Variants in EBF4 observed in about 807,000 individuals in gnomAD.
EBF4 encodes the protein EBF transcription factor 4, also known as transcription factor COE4.
A neutral mutation model predicts 67.1 loss-of-function variants in EBF4; 34 were observed. That is an observed-to-expected ratio of 0.51 (90% CI 0.39 to 0.67). The LOEUF is 0.67. EBF4 is among the 30% of genes least tolerant of loss of function. EBF4 has a pLI of 0.00. For synonymous variants in EBF4, 387 were observed against 377.7 expected (o/e 1.02, Z -0.29); for missense variants, 837 against 873.3 (o/e 0.96, Z 0.52).
At chr20:2,730,197 C>T (rs1202544144) in intron 6 of EBF4, among the ~76,000 whole-genome samples, 3 of 152,312 alleles carry the variant, frequency 2.0e-5, no homozygotes, top group East Asian at 3.9e-4. Context: ...TTAATTATCT[C>T]CCCATTCTGG....
At chr20:2,693,570 G>A, upstream of EBF4, 1 of 1,293,126 alleles carries the variant, frequency 7.7e-7, no homozygotes, top group Non-Finnish European at 9.8e-7. The surrounding 1 kb of genome is among the most constrained non-coding windows in gnomAD (Gnocchi z 4.6). Context: ...CCGTCGGGTC[G>A]GGCTGAGCTA....
At chr20:2,729,143 A>G (rs1269873478) in intron 6 of EBF4, among the ~76,000 whole-genome samples, 1 of 152,128 alleles carries the variant, frequency 6.6e-6, no homozygotes, top group African/African-American at 2.4e-5. Context: ...GTACATATGA[A>G]AACAATATGC....
chr20:2,757,658 A>G (rs368797049), intron 15 of EBF4, among the ~76,000 whole-genome samples: 1 of 152,230 alleles, frequency 6.6e-6, no homozygotes, highest in Non-Finnish European at 1.5e-5. Flanking sequence ...CATTAAGAAC[A>G]TAACATGGCC....
At chr20:2,754,979 C>CCCCCCA (rs1555789843) in intron 14 of EBF4, 1 of 123,930 alleles carries the variant, frequency 8.1e-6, no homozygotes, top group African/African-American at 2.9e-5. Flanking sequence ...CACCCCCCCC[C>CCCCCCA]ACAGGGCCCA....
At chr20:2,735,159 G>A (rs2087861359) in intron 6 of EBF4, among the ~76,000 whole-genome samples, 3 of 152,176 alleles carry the variant, frequency 2.0e-5, no homozygotes, top group Admixed American at 2.0e-4. Context: ...TTCCCACTAA[G>A]TAAGTTCTGA....
chr20:2,693,730 C>A lies in EBF4; in HGVS notation c.85C>A (p.Arg29Ser). The A allele has an allele frequency of 5.1e-6, 7 of 1,383,998 alleles. No individual in the cohort carries two copies. The highest frequency in any genetic ancestry group is 6.5e-6 in the Non-Finnish European group (7 of 1,075,558). The allele number at this position is 1,383,998 out of a possible 1,614,324, so 85.7% of individuals were successfully genotyped here. ...GCTGCCCGCCGGCCTGGGCTCAGTG[C>A]GCTCCTGGATGCAGGGCGCGGGCAT... is the stretch of plus-strand genomic sequence containing the variant. The change falls in exon 1 of 17, where the codon CGC becomes AGC. Residue 29 changes from arginine to serine, a missense_variant. Physicochemically the swap from Arg to Ser is moderately radical, Grantham distance 110. Coordinates refer to ENST00000609451, the Ensembl canonical transcript of EBF4. This position sits in a 1 kb window ranked among gnomAD's most constrained non-coding sequence, Gnocchi z 4.6.
At chr20:2,729,316 C>CCCTAATCA (rs1258761610) in intron 6 of EBF4, among the ~76,000 whole-genome samples, 6 of 152,162 alleles carry the variant, frequency 3.9e-5, no homozygotes, top group Admixed American at 2.6e-4. Flanking sequence ...ATGGTCCTTG[C>CCCTAATCA]CCTAATCAGC....
At chr20:2,749,596 C>G (rs1317210463) in intron 8 of EBF4, 24 bp from the exon 9 acceptor site, 7 of 1,550,762 alleles carry the variant, frequency 4.5e-6, no homozygotes, top group Non-Finnish European at 6.1e-6. Flanking sequence ...GGTCCCCTGA[C>G]CTGGGTCCTC....
intron 5 of EBF4, among the ~76,000 whole-genome samples, chr20:2,708,563 G>A (rs11087555): frequency 0.11 from 16,295 of 152,094 alleles, 1,169 homozygotes; most frequent in East Asian, 0.29. Context: ...AAGAGAACAG[G>A]GTTCTGAAAT....
intron 1 of EBF4, among the ~76,000 whole-genome samples, chr20:2,702,107 G>A (rs2087384632): frequency 6.6e-6 from 1 of 152,214 alleles, no homozygotes; most frequent in African/African-American, 2.4e-5. Flanking sequence ...CCTAGGGAAA[G>A]GAGCATCTGT....
intron 6 of EBF4, among the ~76,000 whole-genome samples, chr20:2,746,653 C>T (rs1268464563): frequency 1.3e-5 from 2 of 149,804 alleles, no homozygotes; most frequent in Non-Finnish European, 2.9e-5. Flanking sequence ...TTAATGTTTG[C>T]AGACTTTGGA....
Position 2,745,208 on chromosome 20 carries a change from C to T in EBF4, c.558-3341C>T, listed in dbSNP as rs916068117. Among the ~76,000 whole-genome samples the T allele has an allele frequency of 3.3e-5, 5 of 152,154 alleles. No homozygotes were observed. The highest frequency in any genetic ancestry group is 2.1e-4 in the South Asian group (1 of 4,826). Reference sequence around the variant, plus strand: ...ACACTTGTAGCAAGGTCTCAGGTGACGCTGACGCTGCTGGTCTTAGGGGGT... The same window carrying T: ...ACACTTGTAGCAAGGTCTCAGGTGATGCTGACGCTGCTGGTCTTAGGGGGT... On this transcript the variant is annotated intron_variant, in intron 6 of 16. Transcript: ENST00000609451. This position sits in a 1 kb window ranked among gnomAD's most constrained non-coding sequence, Gnocchi z 5.2.
intron 15 of EBF4, among the ~76,000 whole-genome samples, chr20:2,757,562 G>A (rs1026760857): frequency 6.6e-6 from 1 of 152,248 alleles, no homozygotes; most frequent in South Asian, 2.1e-4. Context: ...GGGGTTCTTA[G>A]TGGGGGAGGA....
chr20:2,724,230 T>G (rs530950427), intron 6 of EBF4, among the ~76,000 whole-genome samples: 1 of 152,242 alleles, frequency 6.6e-6, no homozygotes, highest in African/African-American at 2.4e-5. Context: ...TTTTGCACCC[T>G]GAAAATTTGG....
chr20:2,707,829 T>C lies in EBF4; in HGVS notation c.415-118T>C, dbSNP rs1409019773. ...CAGAGCAAGGCAGAGGGCGTGCTCT[T>C]CCCTGGGGCAGGGTCTCCCTGGGCC... is the stretch of plus-strand genomic sequence containing the variant. On this transcript the variant is annotated intron_variant, in intron 4 of 16. Transcript: ENST00000609451. This position sits in a 1 kb window ranked among gnomAD's most constrained non-coding sequence, Gnocchi z 4.6. The C allele has an allele frequency of 5.4e-5, 56 of 1,032,038 alleles. No homozygotes were observed. Among genetic ancestry groups the C allele is most frequent in the Non-Finnish European group, 7.4e-5 (54 of 730,794 alleles). The allele number at this position is 1,032,038 out of a possible 1,614,324, so 63.9% of individuals were successfully genotyped here. A position where few individuals can be genotyped will look rare whatever the true frequency, so the allele number is the denominator to read the frequency against.
chr20:2,728,256 C>A (rs1246692209), intron 6 of EBF4, among the ~76,000 whole-genome samples: 1 of 152,162 alleles, frequency 6.6e-6, no homozygotes. Context: ...ATGGACTATT[C>A]CTTCATCTTT....
intron 1 of EBF4, among the ~76,000 whole-genome samples, chr20:2,694,830 T>C (rs993107574): frequency 6.6e-6 from 1 of 152,086 alleles, no homozygotes. Context: ...ACTGAAGCCG[T>C]TTCTGCACGC....
chr20:2,749,551 G>A (rs755119555), intron 8 of EBF4, 33 bp downstream of exon 8: 3 of 1,539,038 alleles, frequency 1.9e-6, no homozygotes, highest in East Asian at 2.5e-5. Flanking sequence ...CGGCCGCCGC[G>A]GGCCCAGCCA....
Position 2,751,064 on chromosome 20 carries a change from G to A in EBF4, c.1019-636G>A, listed in dbSNP as rs1600243624. On this transcript the variant is annotated intron_variant, in intron 10 of 16. Transcript: ENST00000609451. The surrounding 1 kb of genome is among the most constrained non-coding windows in gnomAD (Gnocchi z 5.2). ...GGAGGAGAAGGGCGTGGGGAGCTGG[G>A]TCAGACGCGCATACACACACACACC... Among the ~76,000 whole-genome samples, 1 of 151,998 alleles carries A rather than the reference G, an allele frequency of 6.6e-6. No homozygotes were observed. The highest frequency in any genetic ancestry group is 3.4e-3 in the Middle Eastern group (1 of 294).
Sources: gnomAD v4.1 joint callset for allele counts (sites outside exome capture counted in the v4.1 genomes callset) on GRCh38, gnomAD v4.1.1 for gene constraint, Gnocchi (gnomAD v3.1) non-coding constraint, MANE v1.5 for transcripts, NCBI Gene and HGNC (gene_info 2026-07-23, HGNC 2026-07-21) for gene names.